Variants in TAS2R1 observed in about 807,000 individuals in gnomAD.
The protein encoded by TAS2R1 is taste 2 receptor member 1.
For missense variants in TAS2R1, 370 were observed against 353.4 expected (o/e 1.05, Z -0.38); for synonymous variants, 141 against 134.2 (o/e 1.05, Z -0.35).
the TAS2R1 span, among the ~76,000 whole-genome samples, chr5:9,734,155 T>A: frequency 6.6e-6 from 1 of 152,100 alleles, no homozygotes; most frequent in African/African-American, 2.4e-5. Context: ...GAGGACACCA[T>A]GAGAATAATC....
At chr5:9,656,672 C>T (rs1219118932) in intron 2 of TAS2R1, among the ~76,000 whole-genome samples, 1 of 152,204 alleles carries the variant, frequency 6.6e-6, no homozygotes, top group East Asian at 1.9e-4. Context: ...GAAACTCCCT[C>T]ACAGACACAT....
chr5:9,786,468 G>A, the TAS2R1 span, among the ~76,000 whole-genome samples: 1 of 152,228 alleles, frequency 6.6e-6, no homozygotes, highest in Admixed American at 6.5e-5. Flanking sequence ...AGGTGAGTAA[G>A]TGGTGCCTAG....
At chr5:9,879,339 C>T in the TAS2R1 span, among the ~76,000 whole-genome samples, 3 of 152,194 alleles carry the variant, frequency 2.0e-5, no homozygotes, top group South Asian at 2.1e-4. Flanking sequence ...TTTCTCTGAT[C>T]CCTGGGTGTC....
At chr5:9,875,050 A>C in the TAS2R1 span, among the ~76,000 whole-genome samples, 3 of 152,184 alleles carry the variant, frequency 2.0e-5, no homozygotes, top group African/African-American at 7.2e-5. Context: ...GTGAAGTCTC[A>C]ACAGGGATTG....
the TAS2R1 span, among the ~76,000 whole-genome samples, chr5:9,876,234 CAAA>C: frequency 1.7e-5 from 2 of 121,082 alleles, no homozygotes; most frequent in Admixed American, 8.4e-5. Context: ...GACGACAAAC[CAAA>C]AAAAAAAAAA....
the TAS2R1 span, among the ~76,000 whole-genome samples, chr5:9,879,157 T>A: frequency 3.3e-4 from 51 of 152,264 alleles, no homozygotes; most frequent in Admixed American, 1.0e-3. Context: ...AATATTTTAA[T>A]GCAATGTTCT....
the TAS2R1 span, among the ~76,000 whole-genome samples, chr5:9,792,642 C>T: frequency 5.9e-5 from 9 of 152,296 alleles, no homozygotes; most frequent in East Asian, 1.7e-3. Flanking sequence ...TGCTATATCC[C>T]TGGGAAGTTC....
chr5:9,686,725 C>G (rs1465998530), intron 1 of TAS2R1, among the ~76,000 whole-genome samples: 2 of 152,138 alleles, frequency 1.3e-5, no homozygotes, highest in Non-Finnish European at 2.9e-5. Flanking sequence ...ATTACGTTCA[C>G]ATGACAGAAA....
intron 2 of TAS2R1, among the ~76,000 whole-genome samples, chr5:9,655,897 A>T (rs1740408519): frequency 6.6e-6 from 1 of 150,646 alleles, no homozygotes; most frequent in Admixed American, 6.6e-5. Context: ...TCCTTTTCAG[A>T]ACCACTGATT....
the TAS2R1 span, among the ~76,000 whole-genome samples, chr5:9,828,933 A>G: frequency 1.3e-5 from 2 of 152,242 alleles, no homozygotes; most frequent in African/African-American, 4.8e-5. Flanking sequence ...AGGTTGGTGG[A>G]GAAGAGTTTC....
chr5:9,719,449 C>G, the TAS2R1 span, among the ~76,000 whole-genome samples: 1 of 152,230 alleles, frequency 6.6e-6, no homozygotes, highest in Non-Finnish European at 1.5e-5. Context: ...CCCACTTCCT[C>G]GCTTTTGTCT....
At chr5:9,846,807 T>C in the TAS2R1 span, among the ~76,000 whole-genome samples, 3 of 152,312 alleles carry the variant, frequency 2.0e-5, no homozygotes, top group South Asian at 2.1e-4. Flanking sequence ...AGTTGACCAA[T>C]TGAAAACAAA....
At chr5:9,764,673 ACT>A in the TAS2R1 span, among the ~76,000 whole-genome samples, 16 of 152,112 alleles carry the variant, frequency 1.1e-4, no homozygotes, top group Non-Finnish European at 1.0e-4. Context: ...GCTCATTCAC[ACT>A]CTGTCCTATA....
At chr5:9,631,026 G>A (rs1739863531), upstream of TAS2R1, among the ~76,000 whole-genome samples, 1 of 152,076 alleles carries the variant, frequency 6.6e-6, no homozygotes, top group Non-Finnish European at 1.5e-5. Flanking sequence ...GTGCAATCTA[G>A]GAAATGCAGA....
chr5:9,743,247 C>G, the TAS2R1 span, among the ~76,000 whole-genome samples: 3 of 152,212 alleles, frequency 2.0e-5, no homozygotes, highest in African/African-American at 7.2e-5. Flanking sequence ...GGCTTCCCCT[C>G]TGGATGCTAA....
the TAS2R1 span, among the ~76,000 whole-genome samples, chr5:9,883,661 C>T: frequency 6.6e-6 from 1 of 152,008 alleles, no homozygotes; most frequent in African/African-American, 2.4e-5. Flanking sequence ...AATTCAGTGG[C>T]TTAAGCAGTG....
the TAS2R1 span, among the ~76,000 whole-genome samples, chr5:9,830,034 T>A: frequency 6.6e-6 from 1 of 152,202 alleles, no homozygotes; most frequent in African/African-American, 2.4e-5. Context: ...AAGGATAAGA[T>A]AAAGCTGCTC....
the TAS2R1 span, among the ~76,000 whole-genome samples, chr5:9,818,462 G>A: frequency 2.7e-3 from 417 of 152,220 alleles, 1 homozygote; most frequent in Admixed American, 9.3e-3. Flanking sequence ...GTGGCTTAAG[G>A]CAACCACCAT....
Position 9,629,791 on chromosome 5 carries a change from T to C in TAS2R1, c.242A>G (p.Asn81Ser), listed in dbSNP as rs1354288908. The C allele has an allele frequency of 6.2e-7, 1 of 1,613,840 alleles. No individual in the cohort carries two copies. Among genetic ancestry groups the C allele is most frequent in the Non-Finnish European group, 8.5e-7 (1 of 1,179,942 alleles). Reference protein sequence around the residue: ...FFIEFIMCSANCAILLFINEL... With the variant: ...FFIEFIMCSASCAILLFINEL... ...ATTTATAAATAAGAGAATTGCACAA[T>C]TCGCAGAACACATGATGAATTCTAT... Residue 81 changes from asparagine to serine, a missense_variant, in exon 1 of 1, where the codon AAT becomes AGT. By Grantham distance (46) the Asn-to-Ser change is conservative (BLOSUM62 1). Transcript: ENST00000382492.
Sources: gnomAD v4.1 joint callset for allele counts (sites outside exome capture counted in the v4.1 genomes callset) on GRCh38, gnomAD v4.1.1 for gene constraint, MANE v1.5 for transcripts, NCBI Gene and HGNC (gene_info 2026-07-23, HGNC 2026-07-21) for gene names.